MGLL: variants seen among roughly 807,000 people sequenced by gnomAD.
The protein encoded by MGLL is lysophospholipase homolog.
Under a neutral mutation model 29.1 loss-of-function variants are expected in MGLL, and 7 were observed. The observed-to-expected ratio is 0.24, with a 90% CI of 0.14 to 0.45. The LOEUF is 0.45. MGLL is among the 20% of genes least tolerant of loss of function. The pLI is 0.99. For synonymous variants in MGLL, 148 were observed against 168.3 expected (o/e 0.88, Z 0.93); for missense variants, 356 against 413.6 (o/e 0.86, Z 1.21).
chr3:127,816,706 C>T (rs556299405), intron 2 of MGLL, among the ~76,000 whole-genome samples: 2 of 152,336 alleles, frequency 1.3e-5, no homozygotes, highest in African/African-American at 4.8e-5. Flanking sequence ...TGTAGACACA[C>T]ACAGAGAGTG....
At position 127,710,656 on chromosome 3, in the gene MGLL, C is replaced by T; in HGVS notation, c.520G>A (p.Ala174Thr). ...ESATTFKVLA[A>T]KVLNLVLPNL... is the part of the protein sequence containing the mutation. ...GGCAGCACAAGGTTGAGCACTTTCG[C>T]AGCAAGGACCTAGCCGGGGAGGGAA... Residue 174 changes from alanine to threonine, a missense_variant, in exon 6 of 8, where the codon GCG becomes ACG. By Grantham distance (58) the Ala-to-Thr change is moderately conservative. Transcript: ENST00000265052. The T allele has an allele frequency of 6.4e-7, 1 of 1,569,508 alleles. No individual in the cohort carries two copies.
intron 3 of MGLL, among the ~76,000 whole-genome samples, chr3:127,745,296 T>C (rs1286807932): frequency 1.3e-5 from 2 of 152,220 alleles, no homozygotes; most frequent in Admixed American, 6.5e-5. Context: ...AGGGATCGAC[T>C]TGAGTGTCCA....
chr3:127,702,504 AAAG>A (rs2075512244), intron 6 of MGLL, among the ~76,000 whole-genome samples: 1 of 152,208 alleles, frequency 6.6e-6, no homozygotes, highest in Non-Finnish European at 1.5e-5. Context: ...GGCCATTTGG[AAAG>A]AAGATGTTGC....
At chr3:127,738,155 G>T (rs2076276694) in intron 3 of MGLL, among the ~76,000 whole-genome samples, 1 of 151,938 alleles carries the variant, frequency 6.6e-6, no homozygotes, top group African/African-American at 2.4e-5. Flanking sequence ...CAAAAAATTA[G>T]CCAGGTGTGG....
intron 3 of MGLL, among the ~76,000 whole-genome samples, chr3:127,737,705 C>T (rs1392509405): frequency 1.6e-5 from 2 of 122,502 alleles, no homozygotes; most frequent in African/African-American, 3.2e-5. Context: ...AGTGCAATGG[C>T]GCAATCTTGG....
intron 3 of MGLL, among the ~76,000 whole-genome samples, chr3:127,763,222 G>A (rs1031464538): frequency 1.3e-5 from 2 of 152,222 alleles, no homozygotes; most frequent in African/African-American, 2.4e-5. Flanking sequence ...GCAGCCAGGG[G>A]ACAGGTGTGC....
chr3:127,728,086 T>C (rs974604545), intron 3 of MGLL, among the ~76,000 whole-genome samples: 2 of 152,254 alleles, frequency 1.3e-5, no homozygotes, highest in African/African-American at 4.8e-5. Flanking sequence ...CATTTGTAGG[T>C]TTTTCCTTCT....
intron 2 of MGLL, among the ~76,000 whole-genome samples, chr3:127,792,393 T>G (rs1346566468): frequency 6.6e-6 from 1 of 152,154 alleles, no homozygotes; most frequent in East Asian, 1.9e-4. Context: ...GTGCCTCAGT[T>G]GGAAAACAGG....
At chr3:127,783,323 T>G (rs1576285409) in intron 2 of MGLL, among the ~76,000 whole-genome samples, 2 of 152,254 alleles carry the variant, frequency 1.3e-5, no homozygotes, top group African/African-American at 4.8e-5. Flanking sequence ...AGGCTCCCAG[T>G]GCCTGATCTG....
chr3:127,726,735 G>A, intron 3 of MGLL, among the ~76,000 whole-genome samples: 1 of 151,994 alleles, frequency 6.6e-6, no homozygotes, highest in East Asian at 1.9e-4. Context: ...TGGCCTACAG[G>A]GGTTCTTTAT....
At chr3:127,745,639 C>A (rs2076428288) in intron 3 of MGLL, among the ~76,000 whole-genome samples, 1 of 152,110 alleles carries the variant, frequency 6.6e-6, no homozygotes, top group Non-Finnish European at 1.5e-5. Flanking sequence ...CACCACCACG[C>A]AATATATCCA....
At position 127,752,004 on chromosome 3, in the gene MGLL, C is replaced by T. The variant is rs1049236760; in HGVS notation, c.263-29438G>A. Among the ~76,000 whole-genome samples the T allele has an allele frequency of 3.9e-5, 6 of 152,128 alleles. No homozygotes were observed. The South Asian group carries it at 6.2e-4, about 16-fold the overall frequency. Reference sequence around the variant, plus strand: ...TATTTAAAGTAACAAAATACATGTACGCAGTCTCACTATTCCCTCAGGTGA... The same window carrying T: ...TATTTAAAGTAACAAAATACATGTATGCAGTCTCACTATTCCCTCAGGTGA... On this transcript the variant is annotated intron_variant, in intron 3 of 7. Coordinates refer to ENST00000265052, the MANE Select transcript of MGLL (RefSeq NM_007283.7).
intron 2 of MGLL, among the ~76,000 whole-genome samples, chr3:127,802,239 G>A (rs2077491358): frequency 6.6e-6 from 1 of 152,080 alleles, no homozygotes; most frequent in Non-Finnish European, 1.5e-5. Context: ...GAGATACTAG[G>A]TTCAAGAGTT....
chr3:127,822,076 C>T (rs2077872055), intron 1 of MGLL: 11 of 649,466 alleles, frequency 1.7e-5, no homozygotes, highest in Non-Finnish European at 2.3e-5. Flanking sequence ...TACAGTTTTT[C>T]CCCCTTCCCA....
chr3:127,742,298 A>G (rs1198549572), intron 3 of MGLL, among the ~76,000 whole-genome samples: 1 of 152,178 alleles, frequency 6.6e-6, no homozygotes, highest in Non-Finnish European at 1.5e-5. Flanking sequence ...GACAAAAGCT[A>G]CAGAAGGCAG....
chr3:127,747,428 C>T (rs981261529), intron 3 of MGLL, among the ~76,000 whole-genome samples: 1 of 152,232 alleles, frequency 6.6e-6, no homozygotes, highest in African/African-American at 2.4e-5. Context: ...GGGTCTACTA[C>T]AGACCCCTGC....
At chr3:127,753,055 C>T (rs1380914305) in intron 3 of MGLL, among the ~76,000 whole-genome samples, 4 of 152,008 alleles carry the variant, frequency 2.6e-5, no homozygotes, top group Non-Finnish European at 5.9e-5. Context: ...ACACCTGATT[C>T]GTATGGACAG....
intron 3 of MGLL, among the ~76,000 whole-genome samples, chr3:127,763,560 A>G (rs1300791153): frequency 2.0e-5 from 3 of 152,084 alleles, no homozygotes; most frequent in Non-Finnish European, 4.4e-5. Flanking sequence ...TGGATCTCGG[A>G]CCCTGCCCAA....
In MGLL at chr3:127,803,907, C is replaced by T. The variant is rs370856490; in HGVS notation, c.155+17787G>A. On this transcript the variant is annotated intron_variant, in intron 2 of 7. Transcript: ENST00000265052. ...CACTAGCTCACCACCACTTTCAGGACGGGGTGGCTCAGGGCTCTTGAGTGT... is the reference window on the plus strand; with the variant it reads ...CACTAGCTCACCACCACTTTCAGGATGGGGTGGCTCAGGGCTCTTGAGTGT... Among the ~76,000 whole-genome samples, 56 of 152,274 alleles carry T rather than the reference C, an allele frequency of 3.7e-4. 1 individual carries two copies. The highest frequency in any genetic ancestry group is 9.6e-4 in the East Asian group (5 of 5,184).
Sources: gnomAD v4.1 joint callset for allele counts (sites outside exome capture counted in the v4.1 genomes callset) on GRCh38, gnomAD v4.1.1 for gene constraint, MANE v1.5 for transcripts, NCBI Gene and HGNC (gene_info 2026-07-23, HGNC 2026-07-21) for gene names.